TMEM178B: variants seen among roughly 807,000 people sequenced by gnomAD.
TMEM178B encodes transmembrane protein 178B.
In TMEM178B, 5 loss-of-function variants were observed where a neutral mutation model predicts 31.0. The observed-to-expected ratio is 0.16, with a 90% confidence interval of 0.08 to 0.34. The LOEUF (loss-of-function observed/expected upper bound fraction) is 0.34, where lower values mean the gene tolerates loss of function less well. Ranked by LOEUF, TMEM178B falls within the 10% of genes least tolerant of loss-of-function variation. TMEM178B has a pLI of 1.00. For missense variants in TMEM178B, 275 were observed against 400.3 expected, an observed-to-expected ratio of 0.69 and a Z score of 2.67; for synonymous variants, 164 against 164.0, an observed-to-expected ratio of 1.00 and a Z score of 0.00.
At chr7:141,261,660 C>G (rs1798014293) in intron 2 of TMEM178B, among the ~76,000 whole-genome samples, 1 of 152,158 alleles carries the variant, frequency 6.6e-6, no homozygotes, top group South Asian at 2.1e-4. Flanking sequence ...TCCGGCCCCG[C>G]TCCAGGTCCT....
rs1258138713 is a variant in TMEM178B at position 141,202,846 on chromosome 7, G to A, written c.383-9745G>A. On this transcript the variant is annotated intron_variant, in intron 1 of 3. Coordinates refer to ENST00000565468, the MANE Select transcript of TMEM178B (RefSeq NM_001195278.2). ...GGTCTTGGTGGAGGTTGCCAAGGGT[G>A]TGCCTTCTCCACCTCTCCCATTTCT... Among the ~76,000 whole-genome samples, 3 of 152,160 alleles carry A rather than the reference G, an allele frequency of 2.0e-5. No individual in the cohort carries two copies. The East Asian group carries it at 5.8e-4, about 29-fold the overall frequency.
At chr7:141,147,562 G>A (rs754601908) in intron 1 of TMEM178B, among the ~76,000 whole-genome samples, 1 of 152,186 alleles carries the variant, frequency 6.6e-6, no homozygotes, top group Non-Finnish European at 1.5e-5. Flanking sequence ...CGATGAAGAG[G>A]GTTGTGATGG....
At chr7:141,292,573 A>C (rs1798564093) in intron 2 of TMEM178B, among the ~76,000 whole-genome samples, 1 of 149,800 alleles carries the variant, frequency 6.7e-6, no homozygotes, top group African/African-American at 2.5e-5. Flanking sequence ...ATATCCTTCC[A>C]GCTTCTTCCC....
intron 1 of TMEM178B, among the ~76,000 whole-genome samples, chr7:141,082,483 T>C (rs1794702938): frequency 6.6e-6 from 1 of 152,274 alleles, no homozygotes; most frequent in African/African-American, 2.4e-5. Flanking sequence ...TAGTCTTGTA[T>C]ACATGATGTG....
At chr7:141,094,516 T>G (rs1346806042) in intron 1 of TMEM178B, among the ~76,000 whole-genome samples, 1 of 152,204 alleles carries the variant, frequency 6.6e-6, no homozygotes, top group Non-Finnish European at 1.5e-5. Context: ...TTCTAAGCAC[T>G]GGGTGGCTGG....
chr7:141,346,486 T>TTA, intron 2 of TMEM178B, among the ~76,000 whole-genome samples: 1 of 152,334 alleles, frequency 6.6e-6, no homozygotes, highest in Non-Finnish European at 1.5e-5. Context: ...AGGGCTTGAC[T>TTA]TATAGTCAGC....
chr7:141,369,589 A>G (rs1194240620), intron 2 of TMEM178B, among the ~76,000 whole-genome samples: 5 of 152,194 alleles, frequency 3.3e-5, no homozygotes, highest in Non-Finnish European at 7.3e-5. Flanking sequence ...CTGAGCAAGA[A>G]TGCCGAGCAG....
chr7:141,358,626 C>T (rs1799863987), intron 2 of TMEM178B, among the ~76,000 whole-genome samples: 1 of 152,022 alleles, frequency 6.6e-6, no homozygotes, highest in African/African-American at 2.4e-5. Flanking sequence ...TGAGCTCTTT[C>T]ATAAAAGTTT....
intron 3 of TMEM178B, among the ~76,000 whole-genome samples, chr7:141,453,133 C>T (rs977403249): frequency 4.6e-5 from 7 of 152,228 alleles, no homozygotes; most frequent in African/African-American, 1.4e-4. Flanking sequence ...GAACTCAGAC[C>T]TCACTTTGTT....
At chr7:141,189,360 ATAG>A (rs1796661828) in intron 1 of TMEM178B, among the ~76,000 whole-genome samples, 1 of 152,244 alleles carries the variant, frequency 6.6e-6, no homozygotes, top group Non-Finnish European at 1.5e-5. Context: ...TCAGGAATGA[ATAG>A]CTGAGCCTGG....
chr7:141,243,198 T>C (rs4236461), intron 2 of TMEM178B, among the ~76,000 whole-genome samples: 132,541 of 152,058 alleles, frequency 0.87, 57,909 homozygotes, highest in East Asian at 0.99. Context: ...AAGGGGAGAA[T>C]TGTCTCTTTC....
At chr7:141,244,865 TG>T (rs1301829315) in intron 2 of TMEM178B, among the ~76,000 whole-genome samples, 27 of 150,066 alleles carry the variant, frequency 1.8e-4, no homozygotes, top group African/African-American at 6.2e-4. Flanking sequence ...GGGCCAGGCT[TG>T]GTGGCTCATG....
At chr7:141,230,472 TTC>T (rs1339741001) in intron 2 of TMEM178B, among the ~76,000 whole-genome samples, 1 of 152,206 alleles carries the variant, frequency 6.6e-6, no homozygotes, top group East Asian at 1.9e-4. Context: ...CTTTGTAAAG[TTC>T]TCTCTTTCTT....
At chr7:141,340,723 T>C (rs892025088) in intron 2 of TMEM178B, among the ~76,000 whole-genome samples, 1 of 152,132 alleles carries the variant, frequency 6.6e-6, no homozygotes, top group Non-Finnish European at 1.5e-5. Context: ...GGAAAAGAAA[T>C]ATCATACCTT....
chr7:141,291,079 A>G (rs1029915009), intron 2 of TMEM178B, among the ~76,000 whole-genome samples: 1 of 152,178 alleles, frequency 6.6e-6, no homozygotes, highest in African/African-American at 2.4e-5. Context: ...AATCTATTTG[A>G]TGTTCTACAT....
intron 2 of TMEM178B, among the ~76,000 whole-genome samples, chr7:141,349,874 C>A (rs1799683599): frequency 6.6e-6 from 1 of 152,132 alleles, no homozygotes; most frequent in African/African-American, 2.4e-5. Flanking sequence ...GAGAAGGCAG[C>A]CCCCTCGTTG....
At chr7:141,287,062 T>C (rs566975745) in intron 2 of TMEM178B, among the ~76,000 whole-genome samples, 74 of 152,294 alleles carry the variant, frequency 4.9e-4, no homozygotes, top group African/African-American at 1.7e-3. Flanking sequence ...GCACTTCTTT[T>C]CTTTATTCCT....
At chr7:141,467,659 A>G (rs1263080101) in intron 3 of TMEM178B, among the ~76,000 whole-genome samples, 1 of 152,106 alleles carries the variant, frequency 6.6e-6, no homozygotes, top group Non-Finnish European at 1.5e-5. Flanking sequence ...CCTTGACCCT[A>G]CATGAAGGTC....
At chr7:141,481,057 G>A (rs890807011), downstream of TMEM178B, among the ~76,000 whole-genome samples, 12 of 152,198 alleles carry the variant, frequency 7.9e-5, no homozygotes, top group South Asian at 6.2e-4. Flanking sequence ...AGCCAGAATC[G>A]CATCTCATGC....
Sources: gnomAD v4.1 joint callset for allele counts (sites outside exome capture counted in the v4.1 genomes callset) on GRCh38, gnomAD v4.1.1 for gene constraint, MANE v1.5 for transcripts, NCBI Gene and HGNC (gene_info 2026-07-23, HGNC 2026-07-21) for gene names.